The following MACROD2 variants were observed in gnomAD, a reference collection of about 807,000 sequenced individuals.
MACROD2 encodes the protein mono-ADP ribosylhydrolase 2.
In MACROD2, 36 loss-of-function variants were observed where a neutral mutation model predicts 70.4. The ratio of observed to expected loss-of-function variants is 0.51; its 90% CI spans 0.39 to 0.68. MACROD2 has a LOEUF of 0.68. MACROD2 is among the 30% of genes least tolerant of loss of function. MACROD2 has a pLI of 0.00. For missense variants in MACROD2, 496 were observed against 538.4 expected (o/e 0.92, Z 0.78); for synonymous variants, 172 against 178.8 (o/e 0.96, Z 0.30).
At chr20:14,979,627 C>T (rs917911374) in intron 5 of MACROD2, among the ~76,000 whole-genome samples, 1 of 152,170 alleles carries the variant, frequency 6.6e-6, no homozygotes, top group Non-Finnish European at 1.5e-5. Flanking sequence ...GTGAATTGTG[C>T]TTCGACATAA....
intron 15 of MACROD2, among the ~76,000 whole-genome samples, chr20:16,005,229 C>A (rs1294504260): frequency 6.6e-6 from 1 of 152,144 alleles, no homozygotes; most frequent in African/African-American, 2.4e-5. Flanking sequence ...GTTCCCCACA[C>A]AAAGTAAAAA....
intron 5 of MACROD2, among the ~76,000 whole-genome samples, chr20:15,054,725 C>A (rs79123674): frequency 0.016 from 2,412 of 152,160 alleles, 61 homozygotes; most frequent in African/African-American, 0.055. Context: ...ATGTCATTTA[C>A]CACATTACAG....
chr20:15,869,238 T>TATATATATATATATATATATATAGAGAG, intron 9 of MACROD2, among the ~76,000 whole-genome samples: 1 of 28,300 alleles, frequency 3.5e-5, no homozygotes, highest in Non-Finnish European at 7.7e-5. Flanking sequence ...TATATATATA[T>TATATATATATATATATATATATAGAGAG]AGAGAGAGAG....
intron 6 of MACROD2, among the ~76,000 whole-genome samples, chr20:15,340,126 CTTTCTTTTTTTT>C (rs1258802519): frequency 1.4e-4 from 13 of 91,844 alleles, no homozygotes; most frequent in African/African-American, 2.4e-4. Context: ...TTCTTTCTTT[CTTTCTTTTTTTT>C]TTTTTTTTTT....
At chr20:15,959,420 T>C (rs1167530920) in intron 12 of MACROD2, among the ~76,000 whole-genome samples, 3 of 152,244 alleles carry the variant, frequency 2.0e-5, no homozygotes. Flanking sequence ...TTTCAGCCCA[T>C]GTATAAGTTT....
intron 3 of MACROD2, among the ~76,000 whole-genome samples, chr20:14,272,939 G>A (rs1311119394): frequency 2.0e-5 from 3 of 151,902 alleles, no homozygotes; most frequent in South Asian, 2.1e-4. Flanking sequence ...AACAAGAAGA[G>A]CTAACTATCC....
chr20:15,407,008 A>G (rs1393794163), intron 6 of MACROD2, among the ~76,000 whole-genome samples: 1 of 152,188 alleles, frequency 6.6e-6, no homozygotes, highest in Non-Finnish European at 1.5e-5. Flanking sequence ...TGATCAACAT[A>G]GGTGATTTGC....
intron 4 of MACROD2, among the ~76,000 whole-genome samples, chr20:14,515,003 G>A (rs1007304918): frequency 1.3e-5 from 2 of 151,984 alleles, no homozygotes; most frequent in Non-Finnish European, 2.9e-5. Flanking sequence ...TTAAATTAGA[G>A]CTAATAGAGG....
At chr20:14,171,877 C>A (rs926747671) in intron 3 of MACROD2, among the ~76,000 whole-genome samples, 2 of 152,062 alleles carry the variant, frequency 1.3e-5, no homozygotes, top group African/African-American at 2.4e-5. Flanking sequence ...AGATTAAATC[C>A]ATTGTTTCTT....
chr20:15,915,721 G>C (rs906205984), intron 10 of MACROD2, among the ~76,000 whole-genome samples: 1 of 152,132 alleles, frequency 6.6e-6, no homozygotes, highest in African/African-American at 2.4e-5. Flanking sequence ...GCTGGCAGTG[G>C]TGTCTCAAAG....
At chr20:14,289,298 A>G (rs952962610) in intron 3 of MACROD2, among the ~76,000 whole-genome samples, 14 of 152,320 alleles carry the variant, frequency 9.2e-5, no homozygotes, top group African/African-American at 2.6e-4. Flanking sequence ...TAAATTGTCT[A>G]TCAGTCTCCA....
At chr20:14,414,250 C>T (rs1316847399) in intron 3 of MACROD2, among the ~76,000 whole-genome samples, 1 of 152,168 alleles carries the variant, frequency 6.6e-6, no homozygotes, top group African/African-American at 2.4e-5. Context: ...TCCAAACCTG[C>T]TTGTCCTGTA....
Position 14,658,835 on chromosome 20 carries a change from A to T in MACROD2, c.302-26008A>T, listed in dbSNP as rs917804095. Among the ~76,000 whole-genome samples, 8 of 152,206 alleles carry T rather than the reference A, an allele frequency of 5.3e-5. No homozygotes were observed. The East Asian group carries it at 1.5e-3, about 29-fold the overall frequency. The stretch of plus-strand genomic sequence containing the variant: ...CACCGTGTTGCCCCGGCTGGTCTCA[A>T]ACTCCTGAGCTCAGGCAAACCACAT... On this transcript the variant is annotated intron_variant, in intron 4 of 17. Transcript: ENST00000684519.
chr20:14,373,807 G>A (rs918076432), intron 3 of MACROD2, among the ~76,000 whole-genome samples: 2 of 151,982 alleles, frequency 1.3e-5, no homozygotes, highest in Non-Finnish European at 2.9e-5. Context: ...ACAGTTACGC[G>A]GTGTTACACT....
chr20:15,057,348 C>G (rs2075494974), intron 5 of MACROD2, among the ~76,000 whole-genome samples: 1 of 152,116 alleles, frequency 6.6e-6, no homozygotes. Flanking sequence ...AAACATTTCT[C>G]CTTGGTTATT....
intron 8 of MACROD2, among the ~76,000 whole-genome samples, chr20:15,660,505 A>G (rs2146814989): frequency 6.6e-6 from 1 of 152,280 alleles, no homozygotes; most frequent in African/African-American, 2.4e-5. Context: ...AAAGCACAAC[A>G]GCAGGATTTT....
In MACROD2 at chr20:14,721,779, A is replaced by G. The variant is rs2071472896; in HGVS notation, c.418+36820A>G. On this transcript the variant is annotated intron_variant, in intron 5 of 17. Transcript: ENST00000684519. ...AGATGAAAGTTACCTTCCCAACCTCATGAATCATTATGCTACCTTAAGACA... is the reference window on the plus strand; with the variant it reads ...AGATGAAAGTTACCTTCCCAACCTCGTGAATCATTATGCTACCTTAAGACA... Among the ~76,000 whole-genome samples, 8 of 152,174 alleles carry G rather than the reference A, an allele frequency of 5.3e-5. No individual in the cohort carries two copies. In the South Asian group the frequency reaches 1.5e-3, roughly 28 times the overall value.
At chr20:15,351,808 TC>T (rs2078230385) in intron 6 of MACROD2, among the ~76,000 whole-genome samples, 1 of 152,174 alleles carries the variant, frequency 6.6e-6, no homozygotes. Flanking sequence ...CACTGTACCC[TC>T]TACTAGGCAT....
At chr20:15,690,139 G>A (rs1377938213) in intron 8 of MACROD2, among the ~76,000 whole-genome samples, 1 of 152,178 alleles carries the variant, frequency 6.6e-6, no homozygotes, top group African/African-American at 2.4e-5. Flanking sequence ...TTGGAGACAG[G>A]GAGAATGGAT....
Sources: allele counts gnomAD v4.1 joint callset (sites outside exome capture counted in the v4.1 genomes callset), GRCh38; gene constraint gnomAD v4.1.1; transcripts MANE v1.5; gene names NCBI Gene and HGNC (gene_info 2026-07-23, HGNC 2026-07-21).